Variants in WRN observed in about 807,000 individuals in gnomAD.
The protein encoded by WRN is WRN RecQ like helicase, also known as bifunctional 3'-5' exonuclease/ATP-dependent helicase WRN.
Under a neutral mutation model 180.7 loss-of-function variants are expected in WRN, and 149 were observed. That is an observed-to-expected ratio of 0.82 (90% CI 0.72 to 0.94). The LOEUF (loss-of-function observed/expected upper bound fraction) is 0.94. Among genes scored for constraint, WRN ranks in the 40% least tolerant of loss-of-function variants. The probability of loss-of-function intolerance (pLI) is 0.00; values close to 1 mark genes in which losing one functional copy is unlikely to be tolerated. For synonymous variants in WRN, 548 were observed against 568.9 expected, an observed-to-expected ratio of 0.96 and a Z score of 0.52; for missense variants, 1,661 against 1,700.1, an observed-to-expected ratio of 0.98 and a Z score of 0.40.
chr8:31,128,631 G>A (rs557964392), intron 23 of WRN, among the ~76,000 whole-genome samples: 5 of 152,240 alleles, frequency 3.3e-5, no homozygotes, highest in South Asian at 4.1e-4. Flanking sequence ...AGGCCGAGGC[G>A]GGTGGATCCC....
At chr8:31,146,307 GATA>G (rs1282304810) in intron 28 of WRN, among the ~76,000 whole-genome samples, 1 of 147,088 alleles carries the variant, frequency 6.8e-6, no homozygotes, top group Non-Finnish European at 1.5e-5. Context: ...AATATAATAT[GATA>G]ATATTGTATT....
chr8:31,066,918 T>A, intron 5 of WRN, 115 bp from the exon 6 acceptor site: 2 of 1,276,086 alleles, frequency 1.6e-6, no homozygotes, highest in Non-Finnish European at 2.2e-6. Context: ...TATCTGTGGG[T>A]TGTATTTTGG....
intron 7 of WRN, among the ~76,000 whole-genome samples, chr8:31,073,274 A>G (rs1812976385): frequency 6.6e-6 from 1 of 152,228 alleles, no homozygotes; most frequent in Non-Finnish European, 1.5e-5. Flanking sequence ...GGGTAGCAAT[A>G]GAGGTGATGA....
At chr8:31,170,457 A>G (rs7826854) in intron 34 of WRN, among the ~76,000 whole-genome samples, 1 of 152,250 alleles carries the variant, frequency 6.6e-6, no homozygotes, top group Non-Finnish European at 1.5e-5. Flanking sequence ...ATTCACAGGT[A>G]AAATTGACTT....
At chr8:31,086,658 G>A (rs938392552) in intron 11 of WRN, among the ~76,000 whole-genome samples, 4 of 152,034 alleles carry the variant, frequency 2.6e-5, no homozygotes, top group African/African-American at 9.7e-5. Flanking sequence ...TAGTATCTGT[G>A]TGACTTTGGG....
At chr8:31,116,286 A>G in intron 19 of WRN, 68 bp from the exon 20 acceptor site, 1 of 1,537,952 alleles carries the variant, frequency 6.5e-7, no homozygotes, top group Non-Finnish European at 8.9e-7. Context: ...TAAATAAGAT[A>G]AAACCAAACG....
intron 1 of WRN, among the ~76,000 whole-genome samples, chr8:31,040,440 T>G (rs187723483): frequency 2.6e-5 from 4 of 152,264 alleles, no homozygotes. Context: ...AATGCTGTGA[T>G]GTTTAGAGAT....
chr8:31,127,772 A>C (rs534803223), intron 23 of WRN, among the ~76,000 whole-genome samples: 3 of 152,104 alleles, frequency 2.0e-5, no homozygotes, highest in Admixed American at 6.6e-5. Flanking sequence ...TAAATAAAAA[A>C]AATTAGCTAG....
chr8:31,064,377 A>G lies in WRN; in HGVS notation c.298A>G (p.Ile100Val), dbSNP rs1812612923. The G allele has an allele frequency of 4.3e-6, 7 of 1,614,174 alleles. No individual in the cohort carries two copies. The highest frequency in any genetic ancestry group is 5.1e-6 in the Non-Finnish European group (6 of 1,180,026). ...AGGGAAACTTGGCAAAGTTGCACTA[A>G]TTCAGTTGTGTGTTTCTGAGAGCAA... ...NRGKLGKVALIQLCVSESKCY... is the reference protein window; with the variant it reads ...NRGKLGKVALVQLCVSESKCY... The change falls in exon 4 of 35, where the codon ATT becomes GTT. Residue 100 changes from isoleucine to valine, a missense_variant. Ile to Val is a conservative substitution (Grantham distance 29, BLOSUM62 3). This residue lies in a region of WRN where 500 missense variants were observed against 504.1 expected (regional missense o/e 0.99). Transcript: ENST00000298139.
At chr8:31,085,331 G>A in intron 11 of WRN, 85 bp downstream of exon 11, 1 of 1,433,360 alleles carries the variant, frequency 7.0e-7, no homozygotes. Flanking sequence ...TTCTAAACCA[G>A]GTTCCACCAC....
At chr8:31,087,514 C>T in intron 11 of WRN, 1 of 350,040 alleles carries the variant, frequency 2.9e-6, no homozygotes, top group East Asian at 5.4e-5. Flanking sequence ...TTTATGATAG[C>T]TTTCCCCAGG....
At chr8:31,052,162 A>G (rs1812100836) in intron 1 of WRN, among the ~76,000 whole-genome samples, 1 of 152,210 alleles carries the variant, frequency 6.6e-6, no homozygotes, top group African/African-American at 2.4e-5. Context: ...ATGAAAAAAT[A>G]TAGCCTTGAT....
rs1585515069 is a variant in WRN at position 31,141,756 on chromosome 8, A to G, written c.3214A>G (p.Lys1072Glu). ...ILQANEELCP[K>E]KLLLPSSKTV... ...TCAAGCTAATGAAGAATTGTGTCCA[A>G]AGAAGTTGCTTCTGCCTAGGTTCAT... Residue 1072 changes from lysine (K) to glutamate (E), a missense_variant, in exon 26 of 35, where the codon AAG becomes GAG. Transcript: ENST00000298139. The G allele has an allele frequency of 1.2e-6, 2 of 1,614,078 alleles. No homozygotes were observed. Among genetic ancestry groups the G allele is most frequent in the Non-Finnish European group, 1.7e-6 (2 of 1,180,004 alleles).
chr8:31,087,730 G>A (rs769925633), intron 11 of WRN, 46 bp from the exon 12 acceptor site: 10 of 1,582,594 alleles, frequency 6.3e-6, no homozygotes, highest in East Asian at 2.2e-5. Context: ...AAAAAGATAC[G>A]ACACTGTCAG....
chr8:31,114,894 G>GTT (rs1491317898), intron 19 of WRN, among the ~76,000 whole-genome samples: 1 of 137,912 alleles, frequency 7.3e-6, no homozygotes, highest in African/African-American at 2.8e-5. Flanking sequence ...TTAAAATAAG[G>GTT]TTTTTTTTTT....
intron 18 of WRN, among the ~76,000 whole-genome samples, chr8:31,111,294 T>G (rs1801305809): frequency 6.6e-6 from 1 of 152,180 alleles, no homozygotes; most frequent in African/African-American, 2.4e-5. Flanking sequence ...TCAAATGTAA[T>G]GTTAAAAAAT....
At chr8:31,080,313 T>TA (rs1169985758) in intron 8 of WRN, among the ~76,000 whole-genome samples, 1 of 152,212 alleles carries the variant, frequency 6.6e-6, no homozygotes, top group Admixed American at 6.5e-5. Flanking sequence ...ACCACACCTA[T>TA]AATGTACCAT....
intron 16 of WRN, among the ~76,000 whole-genome samples, chr8:31,093,088 T>C (rs1563346393): frequency 6.6e-6 from 1 of 152,026 alleles, no homozygotes; most frequent in Non-Finnish European, 1.5e-5. Flanking sequence ...GCAGGTATGT[T>C]CCACCATGCC....
chr8:31,060,972 T>C (rs2130014797), intron 3 of WRN, among the ~76,000 whole-genome samples: 1 of 152,246 alleles, frequency 6.6e-6, no homozygotes, highest in Non-Finnish European at 1.5e-5. Flanking sequence ...TGGCTTGGAG[T>C]TCGTTGAATT....
Sources: allele counts gnomAD v4.1 joint callset (sites outside exome capture counted in the v4.1 genomes callset), GRCh38; gene constraint gnomAD v4.1.1; regional missense constraint gnomAD v4.1.1; transcripts MANE v1.5; gene names NCBI Gene and HGNC (gene_info 2026-07-23, HGNC 2026-07-21).